Variants in GPR141 observed in about 807,000 individuals in gnomAD.
GPR141 encodes probable G protein-coupled receptor 141.
A neutral mutation model predicts 6.8 loss-of-function variants in GPR141; 6 were observed. That is an observed-to-expected ratio of 0.88 (90% CI 0.48 to 1.74). GPR141 has a LOEUF of 1.74. Ranked by LOEUF, GPR141 falls within the 40% of genes most tolerant of loss-of-function variation. GPR141 has a pLI of 0.01. For synonymous variants in GPR141, 140 were observed against 142.3 expected, an observed-to-expected ratio of 0.98 and a Z score of 0.11; for missense variants, 372 against 372.9, an observed-to-expected ratio of 1.00 and a Z score of 0.02.
At chr7:37,716,997 A>G (rs769599010) in intron 2 of GPR141, among the ~76,000 whole-genome samples, 1 of 152,192 alleles carries the variant, frequency 6.6e-6, no homozygotes, top group Non-Finnish European at 1.5e-5. Flanking sequence ...AGCTCTATGT[A>G]AGCTTCCCAG....
In GPR141 at chr7:37,741,848, A is replaced by G. The variant is rs1336717213; in HGVS notation, c.*537A>G. ...TAGTTAAAAATTTTTCTAGGGTATC[A>G]TAACTCTGGTAGGAAGTCATCTGTC... On this transcript the variant is annotated 3_prime_UTR_variant, in exon 3 of 3. Transcript: ENST00000334425. Among the ~76,000 whole-genome samples, 2 of 152,306 alleles carry G rather than the reference A, an allele frequency of 1.3e-5. No individual in the cohort carries two copies. The highest frequency in any genetic ancestry group is 1.3e-4 in the Admixed American group (2 of 15,298).
intron 2 of GPR141, among the ~76,000 whole-genome samples, chr7:37,716,649 A>G (rs1170883015): frequency 6.6e-6 from 1 of 152,242 alleles, no homozygotes; most frequent in Non-Finnish European, 1.5e-5. Context: ...TGTGTGGACA[A>G]AAGTATAATT....
chr7:37,713,999 T>A (rs933277521), intron 2 of GPR141, among the ~76,000 whole-genome samples: 1 of 152,216 alleles, frequency 6.6e-6, no homozygotes, highest in Non-Finnish European at 1.5e-5. Context: ...GGTTTGGCTA[T>A]GAAGCCAATG....
chr7:37,707,423 G>A (rs561759207), intron 2 of GPR141, among the ~76,000 whole-genome samples: 1 of 152,222 alleles, frequency 6.6e-6, no homozygotes, highest in South Asian at 2.1e-4. Flanking sequence ...TCTAGTTGTG[G>A]CATTATAATT....
Position 37,742,944 on chromosome 7 carries a change from T to A in GPR141, c.*1633T>A, listed in dbSNP as rs1431321320. ...AATTGTATTAATAACTTGTGGCATGTGGCACGTTAAACTGATTTTATTTCA... is the reference window on the plus strand; with the variant it reads ...AATTGTATTAATAACTTGTGGCATGAGGCACGTTAAACTGATTTTATTTCA... On this transcript the variant is annotated 3_prime_UTR_variant, in exon 3 of 3. Transcript: ENST00000334425. Among the ~76,000 whole-genome samples, 1 of 152,202 alleles carries A rather than the reference T, an allele frequency of 6.6e-6. No individual in the cohort carries two copies. The highest frequency in any genetic ancestry group is 1.5e-5 in the Non-Finnish European group (1 of 68,028).
intron 2 of GPR141, among the ~76,000 whole-genome samples, chr7:37,736,287 A>G (rs1016889219): frequency 7.9e-5 from 12 of 152,090 alleles, no homozygotes; most frequent in African/African-American, 1.9e-4. Context: ...AAAGGGAAGA[A>G]GAGATGGATG....
At chr7:37,740,324 G>T (rs1200853629) in intron 2 of GPR141, 56 bp from the exon 3 acceptor site, 10 of 1,099,322 alleles carry the variant, frequency 9.1e-6, no homozygotes, top group Admixed American at 6.6e-5. Flanking sequence ...CTGTAAAAGA[G>T]ATAGGAACAA....
chr7:37,724,526 T>A (rs1811527539), intron 2 of GPR141, among the ~76,000 whole-genome samples: 1 of 152,120 alleles, frequency 6.6e-6, no homozygotes. Flanking sequence ...TCAGACAGAT[T>A]TTTTTGGTTT....
intron 2 of GPR141, among the ~76,000 whole-genome samples, chr7:37,689,313 T>C (rs73111402): frequency 0.31 from 47,133 of 151,978 alleles, 7,859 homozygotes; most frequent in Middle Eastern, 0.38. Context: ...TGAGGATTTT[T>C]GCATCTGTGC....
At chr7:37,686,033 C>G (rs1043898793) in intron 2 of GPR141, among the ~76,000 whole-genome samples, 9 of 151,960 alleles carry the variant, frequency 5.9e-5, no homozygotes, top group African/African-American at 2.2e-4. Flanking sequence ...GGGCCTCGCT[C>G]TGTCTCCAAG....
In GPR141 at chr7:37,731,764, T is replaced by A. The variant is rs6969164; in HGVS notation, c.-14-8616T>A. 5.3e-3 allele frequency among the ~76,000 whole-genome samples: 801 copies of A among 152,326 alleles called. 13 individuals are homozygous for A. The highest frequency in any genetic ancestry group is 0.019 in the African/African-American group (776 of 41,572). On this transcript the variant is annotated intron_variant, in intron 2 of 2. Coordinates refer to ENST00000334425, the MANE Select transcript of GPR141 (RefSeq NM_001381946.1). ...AATACTTCTTATACAGATATATAAT[T>A]TTTTTGTCCCATTAGGAAAAAATTG...
chr7:37,693,934 A>G (rs763521100), intron 2 of GPR141, among the ~76,000 whole-genome samples: 5 of 151,994 alleles, frequency 3.3e-5, no homozygotes, highest in Middle Eastern at 3.4e-3. Context: ...CCAAGGGGCA[A>G]TGAGCCACTT....
intron 2 of GPR141, among the ~76,000 whole-genome samples, chr7:37,711,248 C>T (rs902141593): frequency 2.0e-4 from 31 of 152,188 alleles, no homozygotes; most frequent in African/African-American, 6.0e-4. Context: ...CCCAGAGACT[C>T]TGTTTCAACA....
chr7:37,735,502 A>G (rs1812186087), intron 2 of GPR141, among the ~76,000 whole-genome samples: 1 of 152,232 alleles, frequency 6.6e-6, no homozygotes, highest in South Asian at 2.1e-4. Context: ...CTAAAATTAC[A>G]AAGGGGGCTA....
chr7:37,685,994 A>C (rs1030067753), intron 2 of GPR141, among the ~76,000 whole-genome samples: 10 of 151,986 alleles, frequency 6.6e-5, no homozygotes, highest in Admixed American at 1.3e-4. Flanking sequence ...ATTGTTAAAT[A>C]ATATGTTAAA....
chr7:37,718,078 A>G (rs1811132209), intron 2 of GPR141, among the ~76,000 whole-genome samples: 1 of 151,942 alleles, frequency 6.6e-6, no homozygotes, highest in Non-Finnish European at 1.5e-5. Flanking sequence ...GCAAATGTTC[A>G]GCAAAGTATT....
intron 2 of GPR141, among the ~76,000 whole-genome samples, chr7:37,737,583 A>C (rs976354117): frequency 6.6e-6 from 1 of 151,094 alleles, no homozygotes; most frequent in African/African-American, 2.4e-5. Context: ...TTTATTTTTA[A>C]CTTTTTTTTT....
chr7:37,694,829 T>A (rs1332856616), intron 2 of GPR141, among the ~76,000 whole-genome samples: 1 of 152,138 alleles, frequency 6.6e-6, no homozygotes, highest in Non-Finnish European at 1.5e-5. Context: ...CACCTCCTGT[T>A]TGGCCTGGAT....
At chr7:37,709,022 A>G (rs1189857268) in intron 2 of GPR141, among the ~76,000 whole-genome samples, 2 of 152,218 alleles carry the variant, frequency 1.3e-5, no homozygotes, top group Non-Finnish European at 2.9e-5. Context: ...TCCACAAGCT[A>G]TAGCACCTAT....
Sources: gnomAD v4.1 joint callset for allele counts (sites outside exome capture counted in the v4.1 genomes callset) on GRCh38, gnomAD v4.1.1 for gene constraint, MANE v1.5 for transcripts, NCBI Gene and HGNC (gene_info 2026-07-23, HGNC 2026-07-21) for gene names.